The following AP1G1 variants were observed in gnomAD, a reference collection of about 807,000 sequenced individuals.
The protein encoded by AP1G1 is adaptor related protein complex 1 subunit gamma 1, also known as AP-1 complex subunit gamma-1.
Under a neutral mutation model 108.3 loss-of-function variants are expected in AP1G1, and 7 were observed. The ratio of observed to expected loss-of-function variants is 0.06; its 90% CI spans 0.04 to 0.12. AP1G1 has a LOEUF of 0.12. Ranked by LOEUF, AP1G1 falls within the 10% of genes least tolerant of loss-of-function variation. The pLI is 1.00. For synonymous variants in AP1G1, 379 were observed against 353.5 expected (o/e 1.07, Z -0.81); for missense variants, 756 against 1,010.7 (o/e 0.75, Z 3.42).
chr16:71,774,368 C>G lies in AP1G1; in HGVS notation c.326+100G>C, dbSNP rs904336878. The G allele has an allele frequency of 2.6e-5, 34 of 1,333,272 alleles. 1 individual carries two copies. The South Asian group carries it at 4.5e-4, about 18-fold the overall frequency. 82.6% of individuals were successfully genotyped at this position (1,333,272 alleles called of 1,614,324 possible). ...GCAGTGAGTCAAGATCACGCCACTT[C>G]ACTCCAGCCTGGGCAAAAGAGCAAG... On this transcript the variant is annotated intron_variant, in intron 3 of 22. Coordinates refer to ENST00000299980, the MANE Select transcript of AP1G1 (RefSeq NM_001128.6).
At chr16:71,777,712 C>T in intron 2 of AP1G1, 2 of 451,548 alleles carry the variant, frequency 4.4e-6, no homozygotes, top group Non-Finnish European at 9.2e-6. Flanking sequence ...CCTCTTCGGG[C>T]CCGTTCTCCT....
At position 71,774,527 on chromosome 16, in the gene AP1G1, T is replaced by C; in HGVS notation, c.267A>G (p.Ala89=). ...FTDKRIGYLG[A]MLLLDERQDV... ...CTTGTCTTTCATCTAACAGCAGCATTGCCCCTAAATAGCCAATGCGTTTGT... is the reference window on the plus strand; with the variant it reads ...CTTGTCTTTCATCTAACAGCAGCATCGCCCCTAAATAGCCAATGCGTTTGT... The change falls in exon 3 of 23, where the codon GCA becomes GCG. Residue 89 remains alanine (A), a synonymous_variant. Transcript: ENST00000299980. 1 of 1,609,016 alleles carries C rather than the reference T, an allele frequency of 6.2e-7. No homozygotes were observed. Among genetic ancestry groups the C allele is most frequent in the South Asian group, 1.1e-5 (1 of 89,930 alleles).
intron 15 of AP1G1, 143 bp from the exon 16 acceptor site, chr16:71,748,521 G>T: frequency 2.0e-6 from 2 of 1,006,854 alleles, no homozygotes; most frequent in Non-Finnish European, 2.8e-6. Flanking sequence ...CTTTGCCAGG[G>T]TAACTGTCCA....
At chr16:71,780,251 C>T (rs377518625) in intron 2 of AP1G1, among the ~76,000 whole-genome samples, 5 of 151,920 alleles carry the variant, frequency 3.3e-5, no homozygotes, top group South Asian at 2.1e-4. Flanking sequence ...GTTTTGGCCT[C>T]GTGCTGGGAT....
intron 11 of AP1G1, among the ~76,000 whole-genome samples, chr16:71,757,709 C>T (rs2030872102): frequency 6.6e-6 from 1 of 152,176 alleles, no homozygotes; most frequent in Admixed American, 6.5e-5. Flanking sequence ...ATGAGGCAGT[C>T]TGGCTCCAGA....
Position 71,781,817 on chromosome 16 carries a change from T to C in AP1G1, c.202-7225A>G, listed in dbSNP as rs189230728. 3.9e-4 allele frequency among the ~76,000 whole-genome samples: 59 copies of C among 152,350 alleles called. 1 individual carries two copies. The East Asian group carries it at 8.7e-3, about 22-fold the overall frequency. On this transcript the variant is annotated intron_variant, in intron 2 of 22. Coordinates refer to ENST00000299980, the MANE Select transcript of AP1G1 (RefSeq NM_001128.6). Reference sequence around the variant, plus strand: ...ACTCTTATACATACATGTCTTTGTATACTGGAAAATTTATCTAGGTTATAT... The same window carrying C: ...ACTCTTATACATACATGTCTTTGTACACTGGAAAATTTATCTAGGTTATAT...
Position 71,803,273 on chromosome 16 carries a change from G to A in AP1G1, c.-4+5490C>T, listed in dbSNP as rs548460306. Among the ~76,000 whole-genome samples, 21 of 152,174 alleles carry A rather than the reference G, an allele frequency of 1.4e-4. 1 individual carries two copies. Among genetic ancestry groups the A allele is most frequent in the Admixed American group, 3.9e-4 (6 of 15,280 alleles). ...TATTTATAAATTACAAAAGTCACAT[G>A]TATTTTTTCCTCATCTTTTAAAAAA... is the stretch of plus-strand genomic sequence containing the variant. On this transcript the variant is annotated intron_variant, in intron 1 of 22. Coordinates refer to ENST00000299980, the MANE Select transcript of AP1G1 (RefSeq NM_001128.6).
intron 17 of AP1G1, among the ~76,000 whole-genome samples, chr16:71,745,978 G>T (rs966036202): frequency 2.0e-5 from 3 of 151,954 alleles, no homozygotes; most frequent in African/African-American, 7.2e-5. Flanking sequence ...AAAAGAATTT[G>T]AATGAGATTA....
intron 13 of AP1G1, among the ~76,000 whole-genome samples, chr16:71,751,913 A>G (rs1186067619): frequency 6.6e-6 from 1 of 152,216 alleles, no homozygotes; most frequent in African/African-American, 2.4e-5. Context: ...ACATACTTCT[A>G]AATAACACAT....
intron 1 of AP1G1, among the ~76,000 whole-genome samples, chr16:71,803,108 G>A (rs145736852): frequency 3.3e-5 from 5 of 151,796 alleles, no homozygotes; most frequent in East Asian, 3.9e-4. Flanking sequence ...CCAGCTACTC[G>A]GGAGGCTGAG....
chr16:71,775,830 G>A (rs571261725), intron 2 of AP1G1, among the ~76,000 whole-genome samples: 3 of 152,258 alleles, frequency 2.0e-5, no homozygotes, highest in South Asian at 4.1e-4. Context: ...AAGCTAAAAC[G>A]ATTTACATTT....
At chr16:71,771,276 CA>C (rs775065701) in intron 4 of AP1G1, 24 bp from the exon 5 acceptor site, 31 of 1,389,016 alleles carry the variant, frequency 2.2e-5, no homozygotes, top group Non-Finnish European at 3.0e-5. Flanking sequence ...AATAAAAGAA[CA>C]AAAGGTTTAT....
chr16:71,780,394 A>G (rs901805326), intron 2 of AP1G1, among the ~76,000 whole-genome samples: 8 of 151,876 alleles, frequency 5.3e-5, no homozygotes, highest in African/African-American at 1.9e-4. Context: ...CAGGAGGCTC[A>G]GGCACCAGGA....
At chr16:71,755,697 G>A (rs1438026000) in intron 12 of AP1G1, among the ~76,000 whole-genome samples, 1 of 151,820 alleles carries the variant, frequency 6.6e-6, no homozygotes, top group African/African-American at 2.4e-5. Context: ...CTAGGCTGGA[G>A]TGCAGTGGCA....
In AP1G1 at chr16:71,761,494, A is replaced by G. The variant is rs1291892624; in HGVS notation, c.974+18T>C. On this transcript the variant is annotated intron_variant, in intron 10 of 22. Coordinates refer to ENST00000299980, the MANE Select transcript of AP1G1 (RefSeq NM_001128.6). ...GCTTATAATATCCAAGATAAAAGAC[A>G]TATTTCAGTTAACTTACCTAATATT... 3 of 1,511,984 alleles carry G rather than the reference A, an allele frequency of 2.0e-6. No homozygotes were observed. The highest frequency in any genetic ancestry group is 2.8e-5 in the African/African-American group (2 of 72,654). The allele number at this position is 1,511,984 out of a possible 1,614,324, so 93.7% of individuals were successfully genotyped here.
intron 2 of AP1G1, among the ~76,000 whole-genome samples, chr16:71,780,281 G>A (rs766666240): frequency 2.0e-5 from 3 of 151,708 alleles, no homozygotes; most frequent in East Asian, 1.9e-4. Context: ...GAGCCACCGC[G>A]CCGGCCAAAA....
At chr16:71,756,223 G>A in intron 11 of AP1G1, 64 bp from the exon 12 acceptor site, 1 of 1,489,502 alleles carries the variant, frequency 6.7e-7, no homozygotes, top group Non-Finnish European at 9.1e-7. Context: ...CAAAGACCCA[G>A]GTATGCACTC....
At chr16:71,804,212 A>G (rs569142474) in intron 1 of AP1G1, among the ~76,000 whole-genome samples, 1 of 150,892 alleles carries the variant, frequency 6.6e-6, no homozygotes, top group Non-Finnish European at 1.5e-5. Context: ...ATGCCCAGCT[A>G]ATTTTTCTAT....
intron 11 of AP1G1, 68 bp from the exon 12 acceptor site, chr16:71,756,227 T>C (rs1385378203): frequency 1.3e-5 from 19 of 1,468,076 alleles, no homozygotes; most frequent in South Asian, 4.0e-5. Flanking sequence ...GACCCAGGTA[T>C]GCACTCTGTG....
Sources: gnomAD v4.1 joint callset for allele counts (sites outside exome capture counted in the v4.1 genomes callset) on GRCh38, gnomAD v4.1.1 for gene constraint, MANE v1.5 for transcripts, NCBI Gene and HGNC (gene_info 2026-07-23, HGNC 2026-07-21) for gene names.